UMAD1: variants seen among roughly 807,000 people sequenced by gnomAD.
UMAD1 encodes UBAP1-MVB12-associated (UMA)-domain containing protein 1.
In UMAD1, 8 loss-of-function variants were observed where a neutral mutation model predicts 6.1. The observed-to-expected ratio is 1.30, with a 90% CI of 0.76 to 2.35. UMAD1 has a LOEUF of 2.35. UMAD1 is among the 30% of genes most tolerant of loss of function. The pLI, the probability that UMAD1 is intolerant of heterozygous loss-of-function variation, is 0.00. For synonymous variants in UMAD1, 56 were observed against 31.4 expected (o/e 1.78, Z -2.61); for missense variants, 130 against 78.4 (o/e 1.66, Z -2.49).
chr7:7,664,800 T>G (rs1201657420), intron 1 of UMAD1, among the ~76,000 whole-genome samples: 1 of 152,226 alleles, frequency 6.6e-6, no homozygotes. Flanking sequence ...ACCAAAAGCA[T>G]GGCCTACCTT....
At chr7:7,749,816 A>G (rs1541552) in intron 2 of UMAD1, among the ~76,000 whole-genome samples, 28,039 of 151,938 alleles carry the variant, frequency 0.18, 4,597 homozygotes, top group African/African-American at 0.45. Flanking sequence ...TAAGAGTATT[A>G]TTTTCCAGGA....
intron 2 of UMAD1, among the ~76,000 whole-genome samples, chr7:7,717,816 A>G (rs1048162861): frequency 3.9e-5 from 6 of 152,196 alleles, no homozygotes; most frequent in Non-Finnish European, 8.8e-5. Context: ...TTTTGTTTTT[A>G]TCTTACCATC....
At chr7:7,828,877 A>G (rs1264821291) in intron 3 of UMAD1, among the ~76,000 whole-genome samples, 2 of 152,186 alleles carry the variant, frequency 1.3e-5, no homozygotes, top group Admixed American at 1.3e-4. Flanking sequence ...TTGAATGTCA[A>G]ATTCAAAAGT....
intron 3 of UMAD1, among the ~76,000 whole-genome samples, chr7:7,837,059 C>G (rs1312344438): frequency 6.6e-6 from 1 of 151,620 alleles, no homozygotes; most frequent in African/African-American, 2.4e-5. Context: ...CAGTATAACA[C>G]CAAAGACAAA....
chr7:7,735,333 C>T (rs1369256924), intron 2 of UMAD1, among the ~76,000 whole-genome samples: 2 of 151,994 alleles, frequency 1.3e-5, no homozygotes, highest in South Asian at 2.1e-4. Context: ...AAGACTTCTG[C>T]AGACTTTTAA....
intron 3 of UMAD1, among the ~76,000 whole-genome samples, chr7:7,810,851 G>A (rs1783006435): frequency 6.6e-6 from 1 of 152,164 alleles, no homozygotes; most frequent in Admixed American, 6.6e-5. Flanking sequence ...TTGCTCCCTT[G>A]ACTCATTTAG....
intron 2 of UMAD1, among the ~76,000 whole-genome samples, chr7:7,774,939 C>T (rs900284791): frequency 6.6e-6 from 1 of 152,200 alleles, no homozygotes; most frequent in Non-Finnish European, 1.5e-5. Flanking sequence ...ATCCTTATCA[C>T]ATTCTCATCC....
intron 1 of UMAD1, among the ~76,000 whole-genome samples, chr7:7,650,114 AG>A (rs796125702): frequency 3.9e-5 from 6 of 152,360 alleles, no homozygotes; most frequent in African/African-American, 1.4e-4. Flanking sequence ...GGGTCAAGAC[AG>A]AACCTGTAAT....
intron 2 of UMAD1, among the ~76,000 whole-genome samples, chr7:7,756,600 G>A (rs1216696224): frequency 6.6e-6 from 1 of 152,130 alleles, no homozygotes; most frequent in Non-Finnish European, 1.5e-5. Flanking sequence ...TTTCATGAAT[G>A]TGCTGGTCAC....
chr7:7,762,653 C>T (rs1781914574), intron 2 of UMAD1, among the ~76,000 whole-genome samples: 1 of 152,156 alleles, frequency 6.6e-6, no homozygotes. Flanking sequence ...TGCTCCAGGG[C>T]AGGCGATGAC....
At chr7:7,750,670 G>A (rs1221755087) in intron 2 of UMAD1, among the ~76,000 whole-genome samples, 1 of 152,142 alleles carries the variant, frequency 6.6e-6, no homozygotes, top group African/African-American at 2.4e-5. Flanking sequence ...ATACTTATGA[G>A]GTAGGCATTA....
intron 3 of UMAD1, among the ~76,000 whole-genome samples, chr7:7,839,167 C>G (rs192051224): frequency 2.0e-5 from 3 of 152,228 alleles, no homozygotes; most frequent in Admixed American, 1.3e-4. Context: ...ATAAATTACA[C>G]AGTGGGGATG....
chr7:7,765,803 A>G (rs1781972723), intron 2 of UMAD1, among the ~76,000 whole-genome samples: 1 of 152,230 alleles, frequency 6.6e-6, no homozygotes, highest in Admixed American at 6.5e-5. Flanking sequence ...TGGGATTCCT[A>G]CAGGCTTGTT....
At chr7:7,821,777 C>G (rs1323748316) in intron 3 of UMAD1, among the ~76,000 whole-genome samples, 2 of 152,112 alleles carry the variant, frequency 1.3e-5, no homozygotes, top group East Asian at 3.8e-4. Flanking sequence ...TGTTTCTCTC[C>G]TTTCTGCCTC....
chr7:7,693,606 G>T (rs961192883), intron 2 of UMAD1, among the ~76,000 whole-genome samples: 1 of 152,042 alleles, frequency 6.6e-6, no homozygotes, highest in Non-Finnish European at 1.5e-5. Context: ...ATTTTAAGGT[G>T]AAATTCTACT....
chr7:7,779,723 C>T (rs1782306001), intron 2 of UMAD1, among the ~76,000 whole-genome samples: 1 of 152,154 alleles, frequency 6.6e-6, no homozygotes, highest in Admixed American at 6.5e-5. Flanking sequence ...CAGCTCACTG[C>T]AACCTCCACC....
chr7:7,877,453 A>G lies in UMAD1; in HGVS notation c.329A>G (p.His110Arg). The G allele has an allele frequency of 1.4e-6, 1 of 717,630 alleles. No individual in the cohort carries two copies. Among genetic ancestry groups the G allele is most frequent in the Non-Finnish European group, 2.6e-6 (1 of 385,126 alleles). The allele number at this position is 717,630 out of a possible 1,614,324, so 44.5% of individuals were successfully genotyped here. A position where few individuals can be genotyped will look rare whatever the true frequency, so the allele number is the denominator to read the frequency against. The change falls in exon 4 of 4, where the codon CAC (histidine) becomes CGC (arginine). Residue 110 changes from histidine to arginine, a missense_variant. By Grantham distance (29) the His-to-Arg change is conservative. Coordinates refer to ENST00000682710, the MANE Select transcript of UMAD1 (RefSeq NM_001302348.2). ...GGCACCATCACTGACCTTCCCGACCACTTACTCTCCTATGATGGCAGCGAA... is the reference window on the plus strand; with the variant it reads ...GGCACCATCACTGACCTTCCCGACCGCTTACTCTCCTATGATGGCAGCGAA... ...VQGTITDLPD[H>R]LLSYDGSENL...
intron 1 of UMAD1, among the ~76,000 whole-genome samples, chr7:7,661,809 C>T (rs1785481640): frequency 6.6e-6 from 1 of 152,170 alleles, no homozygotes; most frequent in South Asian, 2.1e-4. Flanking sequence ...AGGAGGCAGT[C>T]TGACCCTTAG....
chr7:7,736,614 T>A (rs1165408065), intron 2 of UMAD1: 1 of 152,216 alleles, frequency 6.6e-6, no homozygotes, highest in Non-Finnish European at 1.5e-5. Flanking sequence ...TCACAGAACA[T>A]GTTTTTCTTC....
Sources: gnomAD v4.1 joint callset for allele counts (sites outside exome capture counted in the v4.1 genomes callset) on GRCh38, gnomAD v4.1.1 for gene constraint, MANE v1.5 for transcripts, NCBI Gene and HGNC (gene_info 2026-07-23, HGNC 2026-07-21) for gene names.